Variants in NRXN1 observed in about 807,000 individuals in gnomAD.
NRXN1 encodes the protein neurexin-1.
In NRXN1, 39 loss-of-function variants were observed where a neutral mutation model predicts 150.9. The ratio of observed to expected loss-of-function variants is 0.26; its 90% CI spans 0.20 to 0.34. NRXN1 has a LOEUF of 0.34. Among genes scored for constraint, NRXN1 ranks in the 10% least tolerant of loss-of-function variants. NRXN1 has a pLI of 1.00. For synonymous variants in NRXN1, 924 were observed against 757.0 expected, an observed-to-expected ratio of 1.22 and a Z score of -3.62; for missense variants, 1,815 against 1,949.9, an observed-to-expected ratio of 0.93 and a Z score of 1.30.
At chr2:50,606,027 T>C (rs1677054731) in intron 8 of NRXN1, among the ~76,000 whole-genome samples, 1 of 151,962 alleles carries the variant, frequency 6.6e-6, no homozygotes, top group African/African-American at 2.4e-5. Context: ...GGCAGGCAGA[T>C]CGCTTGAAGT....
intron 2 of NRXN1, among the ~76,000 whole-genome samples, chr2:50,982,348 A>G (rs1001348818): frequency 1.3e-5 from 2 of 152,182 alleles, no homozygotes; most frequent in Admixed American, 6.6e-5. Flanking sequence ...GGACTCTCTT[A>G]AAGAATCAAG....
chr2:50,881,731 C>G (rs1280877554), intron 5 of NRXN1, among the ~76,000 whole-genome samples: 1 of 151,526 alleles, frequency 6.6e-6, no homozygotes, highest in African/African-American at 2.4e-5. Context: ...AAATGTTAAC[C>G]AAATAATAAT....
intron 8 of NRXN1, among the ~76,000 whole-genome samples, chr2:50,555,897 C>A (rs1228706485): frequency 6.6e-6 from 1 of 152,110 alleles, no homozygotes; most frequent in African/African-American, 2.4e-5. Flanking sequence ...GTATAAATTC[C>A]TTTTAGAACG....
intron 17 of NRXN1, among the ~76,000 whole-genome samples, chr2:50,452,420 C>A (rs184678893): frequency 1.3e-5 from 2 of 152,114 alleles, no homozygotes; most frequent in African/African-American, 4.8e-5. Context: ...AAAGACAAGG[C>A]AAACCAAATC....
chr2:50,157,566 G>A (rs1408741782), intron 18 of NRXN1, among the ~76,000 whole-genome samples: 2 of 151,940 alleles, frequency 1.3e-5, no homozygotes, highest in Non-Finnish European at 2.9e-5. Flanking sequence ...CTGAATAAAT[G>A]CCCTGAGCTG....
intron 19 of NRXN1, among the ~76,000 whole-genome samples, chr2:50,090,950 T>A (rs1458344008): frequency 6.6e-6 from 1 of 152,206 alleles, no homozygotes; most frequent in Admixed American, 6.5e-5. Context: ...AAAAGTGTTA[T>A]AATATTCTTT....
chr2:49,927,428 AATCAC>A (rs1669294744), intron 22 of NRXN1, among the ~76,000 whole-genome samples: 1 of 152,204 alleles, frequency 6.6e-6, no homozygotes, highest in Non-Finnish European at 1.5e-5. Flanking sequence ...GATTATATCT[AATCAC>A]ACCTTAGCAT....
rs147302433 is a variant in NRXN1, at chr2:51,020,413, T to G, written c.772+7089A>C. ...AAATCCATATTTTAAAGCATAATAA[T>G]AAGAGAACTCTACCAAATCTGATGC... On this transcript the variant is annotated intron_variant, in intron 2 of 22. Coordinates refer to ENST00000401669, the MANE Select transcript of NRXN1 (RefSeq NM_001330078.2). 3.1e-4 allele frequency among the ~76,000 whole-genome samples: 47 copies of G among 152,084 alleles called. No individual in the cohort carries two copies. The East Asian group carries it at 7.0e-3, about 23-fold the overall frequency.
intron 5 of NRXN1, among the ~76,000 whole-genome samples, chr2:50,632,051 T>C (rs1388625932): frequency 6.6e-6 from 1 of 152,010 alleles, no homozygotes; most frequent in Non-Finnish European, 1.5e-5. Flanking sequence ...AATGTTATTA[T>C]ATTCAAGGAG....
intron 21 of NRXN1, among the ~76,000 whole-genome samples, chr2:50,049,581 G>A (rs868214321): frequency 9.9e-5 from 15 of 152,000 alleles, no homozygotes; most frequent in African/African-American, 9.7e-5. Flanking sequence ...AAATATTCTC[G>A]AAGGAAAGAA....
At chr2:50,201,571 G>T (rs1366821233) in intron 18 of NRXN1, among the ~76,000 whole-genome samples, 12 of 152,146 alleles carry the variant, frequency 7.9e-5, no homozygotes, top group East Asian at 3.9e-4. Flanking sequence ...TATCTTCTGA[G>T]TTCATAGTAG....
intron 21 of NRXN1, among the ~76,000 whole-genome samples, chr2:50,030,677 T>G (rs1689052833): frequency 6.6e-6 from 1 of 152,166 alleles, no homozygotes; most frequent in Non-Finnish European, 1.5e-5. Flanking sequence ...ACAGGAAACA[T>G]TCATAGAGAA....
At chr2:49,994,540 C>T (rs2152524473) in intron 21 of NRXN1, among the ~76,000 whole-genome samples, 1 of 152,252 alleles carries the variant, frequency 6.6e-6, no homozygotes, top group East Asian at 1.9e-4. Context: ...TTAAACTACA[C>T]CGGTAAGAGT....
At chr2:50,840,740 A>G (rs1167705450) in intron 5 of NRXN1, among the ~76,000 whole-genome samples, 2 of 152,172 alleles carry the variant, frequency 1.3e-5, no homozygotes, top group East Asian at 3.8e-4. Context: ...TAGGGGATTC[A>G]TCACAAATGA....
chr2:50,046,043 A>G (rs566296618), intron 21 of NRXN1, among the ~76,000 whole-genome samples: 5 of 152,358 alleles, frequency 3.3e-5, no homozygotes, highest in African/African-American at 1.2e-4. Flanking sequence ...TGCAAGATTC[A>G]GTATCACACC....
At chr2:50,486,431 G>A (rs1383711874) in intron 15 of NRXN1, among the ~76,000 whole-genome samples, 1 of 152,120 alleles carries the variant, frequency 6.6e-6, no homozygotes. Flanking sequence ...GACATTTAAT[G>A]TCATTTTGGA....
rs552044200 is a variant in NRXN1, at chr2:50,212,796, C to T, written c.3546+23993G>A. ...CCTTTAACCTTTCACAGTTTGCTTG[C>T]ATTATATGAAACTTCAAGGTTAAAT... On this transcript the variant is annotated intron_variant, in intron 18 of 22. Coordinates refer to ENST00000401669, the MANE Select transcript of NRXN1 (RefSeq NM_001330078.2). Among the ~76,000 whole-genome samples the T allele has an allele frequency of 7.3e-4, 111 of 151,968 alleles. 1 individual carries two copies. In the South Asian group the frequency reaches 0.022, roughly 30 times the overall value.
chr2:50,495,637 C>A (rs2091558623), intron 15 of NRXN1, among the ~76,000 whole-genome samples: 1 of 151,990 alleles, frequency 6.6e-6, no homozygotes, highest in Non-Finnish European at 1.5e-5. Flanking sequence ...ATATCAAGAC[C>A]AATATTATAT....
At chr2:50,967,658 G>C (rs1301396281) in intron 2 of NRXN1, among the ~76,000 whole-genome samples, 5 of 151,978 alleles carry the variant, frequency 3.3e-5, no homozygotes, top group African/African-American at 1.2e-4. Flanking sequence ...TAAATGGGAA[G>C]AGAGGGCAAA....
Sources: gnomAD v4.1 joint callset for allele counts (sites outside exome capture counted in the v4.1 genomes callset) on GRCh38, gnomAD v4.1.1 for gene constraint, MANE v1.5 for transcripts, NCBI Gene and HGNC (gene_info 2026-07-23, HGNC 2026-07-21) for gene names.